The following MSH3 variants were observed in gnomAD, a reference collection of about 807,000 sequenced individuals.
The protein encoded by MSH3 is mutS homolog 3, also known as DNA mismatch repair protein Msh3.
MSH3 carries 106 observed loss-of-function variants against 123.3 expected under a neutral mutation model. That is an observed-to-expected ratio of 0.86 (90% CI 0.73 to 1.01). The LOEUF is 1.01. MSH3 is among the 50% of genes least tolerant of loss of function. MSH3 has a pLI of 0.00. For synonymous variants in MSH3, 515 were observed against 481.4 expected (o/e 1.07, Z -0.91); for missense variants, 1,459 against 1,347.6 (o/e 1.08, Z -1.29).
At position 80,873,064 on chromosome 5, in the gene MSH3, A is replaced by G. The variant is rs368317493; in HGVS notation, c.3131-52A>G. On this transcript the variant is annotated intron_variant, in intron 22 of 23. Coordinates refer to ENST00000265081, the MANE Select transcript of MSH3 (RefSeq NM_002439.5). ...ACTTACATGTCCTTTTTAATCCTCTAATTTATTTCAGCTTTCAGGCACAGT... is the reference window on the plus strand; with the variant it reads ...ACTTACATGTCCTTTTTAATCCTCTGATTTATTTCAGCTTTCAGGCACAGT... 145 of 1,485,166 alleles carry G rather than the reference A, an allele frequency of 9.8e-5. 1 individual carries two copies. The African/African-American group carries it at 1.8e-3, about 18-fold the overall frequency. 92.0% of individuals were successfully genotyped at this position (1,485,166 alleles called of 1,614,324 possible). A position where few individuals can be genotyped will look rare whatever the true frequency, so the allele number is the denominator to read the frequency against.
rs180813786 is a variant in MSH3 at position 80,785,335 on chromosome 5, C to T, written c.2436-2230C>T. On this transcript the variant is annotated intron_variant, in intron 17 of 23. Transcript: ENST00000265081. ...CCGTGGTCAGACGCGTTACCCATTG[C>T]GCTACTGGCCACATGAAAAAATGCT... is the stretch of plus-strand genomic sequence containing the variant. Among the ~76,000 whole-genome samples the T allele has an allele frequency of 1.2e-3, 182 of 152,274 alleles. 1 individual carries two copies. Among genetic ancestry groups the T allele is most frequent in the Middle Eastern group, 6.8e-3 (2 of 294 alleles).
chr5:80,875,024 T>C (rs1746280953), intron 23 of MSH3, among the ~76,000 whole-genome samples: 1 of 152,260 alleles, frequency 6.6e-6, no homozygotes. Context: ...ACTGTGGATT[T>C]GTTATAATAG....
rs372970933 is a variant in MSH3 at position 80,656,526 on chromosome 5, A to T, written c.353A>T (p.Asn118Ile). Reference sequence around the variant, plus strand: ...GGAAGTGATCTGGGAATGTCTGGCAACTCTGGTGAGTTGTGGGGGATTCTT... The same window carrying T: ...GGAAGTGATCTGGGAATGTCTGGCATCTCTGGTGAGTTGTGGGGGATTCTT... Reference protein sequence around the residue: ...EGGSDLGMSGNSEPKKCLRTR... With the variant: ...EGGSDLGMSGISEPKKCLRTR... The change falls in exon 2 of 24, where the codon AAC (asparagine) becomes ATC (isoleucine). Residue 118 changes from asparagine to isoleucine, a missense_variant. By Grantham distance (149) the Asn-to-Ile change is moderately radical. Coordinates refer to ENST00000265081, the MANE Select transcript of MSH3 (RefSeq NM_002439.5). 7.2e-5 allele frequency: 117 copies of T among 1,613,934 alleles called. No individual in the cohort carries two copies. Among genetic ancestry groups the T allele is most frequent in the Non-Finnish European group, 8.6e-5 (102 of 1,179,996 alleles).
intron 15 of MSH3, among the ~76,000 whole-genome samples, chr5:80,775,250 A>G (rs895176679): frequency 2.6e-5 from 4 of 152,178 alleles, no homozygotes; most frequent in Non-Finnish European, 4.4e-5. Context: ...GATAAAAACT[A>G]TCTAAAAATC....
chr5:80,811,882 C>G (rs1467745050), intron 19 of MSH3, among the ~76,000 whole-genome samples: 1 of 151,976 alleles, frequency 6.6e-6, no homozygotes, highest in South Asian at 2.1e-4. Flanking sequence ...TTTTTAATCT[C>G]TGTAGAATTC....
At chr5:80,863,168 C>CAT (rs961935194) in intron 21 of MSH3, among the ~76,000 whole-genome samples, 1 of 152,186 alleles carries the variant, frequency 6.6e-6, no homozygotes, top group African/African-American at 2.4e-5. Flanking sequence ...CCATCACCTA[C>CAT]ATATACATGG....
chr5:80,856,091 C>T (rs997974940), intron 21 of MSH3, among the ~76,000 whole-genome samples: 2 of 151,754 alleles, frequency 1.3e-5, no homozygotes, highest in Admixed American at 6.6e-5. Context: ...CACCGTGTTG[C>T]TCAGGCTAGT....
chr5:80,845,871 T>G (rs1745710938), intron 20 of MSH3, among the ~76,000 whole-genome samples: 1 of 152,192 alleles, frequency 6.6e-6, no homozygotes, highest in African/African-American at 2.4e-5. Flanking sequence ...TTGGAGAAGT[T>G]TGTTATTACC....
In MSH3 at chr5:80,798,444, A is replaced by G. The variant is rs141613242; in HGVS notation, c.2655+5600A>G. ...CAGAAATACTTGCTTTGGCTGTATAAAAGTTTAAAAGACTAGTTACAGTAA... is the reference window on the plus strand; with the variant it reads ...CAGAAATACTTGCTTTGGCTGTATAGAAGTTTAAAAGACTAGTTACAGTAA... On this transcript the variant is annotated intron_variant, in intron 19 of 23. Coordinates refer to ENST00000265081, the MANE Select transcript of MSH3 (RefSeq NM_002439.5). 1.5e-3 allele frequency among the ~76,000 whole-genome samples: 235 copies of G among 152,338 alleles called. 1 individual carries two copies. The highest frequency in any genetic ancestry group is 5.5e-3 in the African/African-American group (227 of 41,578).
At chr5:80,703,496 C>T (rs1750654551) in intron 8 of MSH3, among the ~76,000 whole-genome samples, 1 of 151,982 alleles carries the variant, frequency 6.6e-6, no homozygotes, top group South Asian at 2.1e-4. Context: ...GATTCTGCCT[C>T]CCTCCCACCT....
chr5:80,687,174 A>G (rs1423688972), intron 8 of MSH3, among the ~76,000 whole-genome samples: 6 of 152,326 alleles, frequency 3.9e-5, no homozygotes, highest in Admixed American at 1.3e-4. Flanking sequence ...TTATTTATGT[A>G]AAGTATGTTT....
chr5:80,690,980 C>T (rs990765994), intron 8 of MSH3, among the ~76,000 whole-genome samples: 2 of 151,670 alleles, frequency 1.3e-5, no homozygotes, highest in African/African-American at 4.8e-5. Flanking sequence ...TTGTAATTGT[C>T]CATGAAAATA....
At position 80,679,066 on chromosome 5, in the gene MSH3, C is replaced by A; in HGVS notation, c.1313C>A (p.Ala438Glu). 3 of 1,613,994 alleles carry A rather than the reference C, an allele frequency of 1.9e-6. No individual in the cohort carries two copies. The highest frequency in any genetic ancestry group is 2.5e-6 in the Non-Finnish European group (3 of 1,179,992). The stretch of plus-strand genomic sequence containing the variant: ...TCGGCCTTGTCCGAGCAAACAGAGG[C>A]GCTCATCCACAGAGCCACATCTGTT... Reference protein sequence around the residue: ...LPSALSEQTEALIHRATSVSV... With the variant: ...LPSALSEQTEELIHRATSVSV... The change falls in exon 8 of 24, where the codon GCG becomes GAG. Residue 438 changes from alanine (A) to glutamate (E), a missense_variant. By Grantham distance (107) the Ala-to-Glu change is moderately radical. Coordinates refer to ENST00000265081, the MANE Select transcript of MSH3 (RefSeq NM_002439.5).
intron 12 of MSH3, among the ~76,000 whole-genome samples, chr5:80,758,838 A>T (rs1179851090): frequency 6.6e-6 from 1 of 152,144 alleles, no homozygotes; most frequent in African/African-American, 2.4e-5. Context: ...TTGAGACAGT[A>T]GCTATTTGTG....
intron 21 of MSH3, 59 bp downstream of exon 21, chr5:80,854,375 A>G (rs1745882127): frequency 1.4e-6 from 2 of 1,474,042 alleles, no homozygotes; most frequent in Non-Finnish European, 1.9e-6. Context: ...TTATTTTTAA[A>G]TGACAGTCAT....
chr5:80,770,797 A>G (rs574323054), intron 15 of MSH3, among the ~76,000 whole-genome samples: 2 of 152,370 alleles, frequency 1.3e-5, no homozygotes, highest in Middle Eastern at 3.4e-3. Flanking sequence ...ATAAAGTTTA[A>G]GTCTTGGAAA....
intron 12 of MSH3, among the ~76,000 whole-genome samples, chr5:80,753,718 T>C (rs545841572): frequency 3.4e-4 from 51 of 152,226 alleles, no homozygotes; most frequent in African/African-American, 1.1e-3. Flanking sequence ...ATCCATGGCC[T>C]TTCCACATTG....
Position 80,693,610 on chromosome 5 carries a change from TAC to T in MSH3, c.1340+14527_1340+14528del, listed in dbSNP as rs1300450910. 2.6e-3 allele frequency among the ~76,000 whole-genome samples: 333 copies of T among 129,444 alleles called. 1 individual carries two copies. The highest frequency in any genetic ancestry group is 9.1e-3 in the African/African-American group (298 of 32,662). 84.9% of individuals were successfully genotyped at this position (129,444 alleles called of 152,430 possible). On this transcript the variant is annotated intron_variant, in intron 8 of 23. Coordinates refer to ENST00000265081, the MANE Select transcript of MSH3 (RefSeq NM_002439.5). ...ATAAATATATATAAACATACATATA[TAC>T]ACACACACATATACACACACACACA...
intron 20 of MSH3, among the ~76,000 whole-genome samples, chr5:80,852,670 A>G (rs1249495811): frequency 6.6e-6 from 1 of 152,210 alleles, no homozygotes; most frequent in Non-Finnish European, 1.5e-5. Context: ...TAAGGTGGCA[A>G]CATTTCAGAA....
Sources: allele counts gnomAD v4.1 joint callset (sites outside exome capture counted in the v4.1 genomes callset), GRCh38; gene constraint gnomAD v4.1.1; transcripts MANE v1.5; gene names NCBI Gene and HGNC (gene_info 2026-07-23, HGNC 2026-07-21).